GTPBP10: variants seen among roughly 807,000 people sequenced by gnomAD.
The protein encoded by GTPBP10 is GTP-binding protein 10.
A neutral mutation model predicts 44.8 loss-of-function variants in GTPBP10; 38 were observed. The ratio of observed to expected loss-of-function variants is 0.85; its 90% confidence interval spans 0.65 to 1.11. The LOEUF (loss-of-function observed/expected upper bound fraction) is 1.11, where lower values mean the gene tolerates loss of function less well. Among genes scored for constraint, GTPBP10 ranks in the 50% most tolerant of loss-of-function variants. The pLI is 0.00. For synonymous variants in GTPBP10, 152 were observed against 150.6 expected (o/e 1.01, Z -0.07); for missense variants, 462 against 453.7 (o/e 1.02, Z -0.17).
chr7:90,362,119 T>C (rs1796035247), intron 4 of GTPBP10, among the ~76,000 whole-genome samples: 1 of 152,072 alleles, frequency 6.6e-6, no homozygotes, highest in Admixed American at 6.6e-5. Flanking sequence ...GGGTTTTTTG[T>C]GTCTCTATTT....
At chr7:90,373,564 A>G (rs535409318) in intron 5 of GTPBP10, among the ~76,000 whole-genome samples, 71 of 152,338 alleles carry the variant, frequency 4.7e-4, no homozygotes, top group Middle Eastern at 6.8e-3. Context: ...GTTATAATAT[A>G]TGTAGGACTT....
chr7:90,362,039 T>G lies in GTPBP10; in HGVS notation c.464+6809T>G, dbSNP rs573712338. 1.1e-3 allele frequency among the ~76,000 whole-genome samples: 165 copies of G among 152,284 alleles called. 3 individuals are homozygous for G. In the South Asian group the frequency reaches 0.016, roughly 15 times the overall value. On this transcript the variant is annotated intron_variant, in intron 4 of 9. Coordinates refer to ENST00000222511, the MANE Select transcript of GTPBP10 (RefSeq NM_033107.4). Reference sequence around the variant, plus strand: ...TCTCTCTTTTCCTCTTTATTAGTCTTGCTAGCGGTCTATCAATTTTGTTGA... The same window carrying G: ...TCTCTCTTTTCCTCTTTATTAGTCTGGCTAGCGGTCTATCAATTTTGTTGA...
In GTPBP10 at chr7:90,389,050, G is replaced by A. The variant is rs1267631691; in HGVS notation, c.*3896G>A. On this transcript the variant is annotated 3_prime_UTR_variant, in exon 10 of 10. Transcript: ENST00000222511. ...TAAAAGATATCTTATTGCAAAAATAGGGCAACATTTTGTTTTAAAGACCAA... is the reference window on the plus strand; with the variant it reads ...TAAAAGATATCTTATTGCAAAAATAAGGCAACATTTTGTTTTAAAGACCAA... 2.6e-5 allele frequency: 4 copies of A among 152,094 alleles called. No individual in the cohort carries two copies. The highest frequency in any genetic ancestry group is 1.3e-4 in the Admixed American group (2 of 15,266). 9.4% of individuals were successfully genotyped at this position (152,094 alleles called of 1,614,324 possible).
intron 1 of GTPBP10, among the ~76,000 whole-genome samples, chr7:90,348,990 T>C (rs1332965686): frequency 6.6e-6 from 1 of 152,228 alleles, no homozygotes; most frequent in Non-Finnish European, 1.5e-5. Context: ...TGGTGGCTGT[T>C]AGCTCTTGAG....
rs1796362271 is a variant in GTPBP10, at chr7:90,377,574, T to G, written c.659T>G (p.Phe220Cys). The G allele has an allele frequency of 1.2e-6, 2 of 1,611,474 alleles. No individual in the cohort carries two copies. Among genetic ancestry groups the G allele is most frequent in the Non-Finnish European group, 1.7e-6 (2 of 1,178,578 alleles). Residue 220 changes from phenylalanine to cysteine, a missense_variant, in exon 7 of 10, where the codon TTC becomes TGC. Phe to Cys is a radical substitution (Grantham distance 205, BLOSUM62 -2). Coordinates refer to ENST00000222511, the MANE Select transcript of GTPBP10 (RefSeq NM_033107.4). ...ATGAACAAAGGAATGGGCCACAAAT[T>G]CCTCAAGCATATAGAAAGAACTAGA... ...AHMNKGMGHK[F>C]LKHIERTRQL...
At chr7:90,357,115 A>C (rs1411073780) in intron 4 of GTPBP10, among the ~76,000 whole-genome samples, 1 of 152,210 alleles carries the variant, frequency 6.6e-6, no homozygotes. Flanking sequence ...TTGTACAACT[A>C]ACAGATTTGT....
chr7:90,346,911 T>A (rs977109669), intron 1 of GTPBP10, 137 bp downstream of exon 1: 4 of 912,032 alleles, frequency 4.4e-6, no homozygotes, highest in Non-Finnish European at 7.1e-6. Context: ...CCGCCCCTCC[T>A]GTAGTGGCGC....
rs897450924 is a variant in GTPBP10 at position 90,388,134 on chromosome 7, T to C, written c.*2980T>C. 1 of 152,200 alleles carries C rather than the reference T, an allele frequency of 6.6e-6. No individual in the cohort carries two copies. Among genetic ancestry groups the C allele is most frequent in the Non-Finnish European group, 1.5e-5 (1 of 68,032 alleles). The allele number at this position is 152,200 out of a possible 1,614,324, so 9.4% of individuals were successfully genotyped here. A position where few individuals can be genotyped will look rare whatever the true frequency, so the allele number is the denominator to read the frequency against. On this transcript the variant is annotated 3_prime_UTR_variant, in exon 10 of 10. Transcript: ENST00000222511. ...TATTTTCTGGTTACTCAAAGTGTAC[T>C]CTATGTACCTTTTTTTGACCTTTGA...
At chr7:90,366,351 G>T (rs10247452) in intron 4 of GTPBP10, among the ~76,000 whole-genome samples, 32,307 of 152,076 alleles carry the variant, frequency 0.21, 3,651 homozygotes, top group African/African-American at 0.27. Context: ...CAGAAGGAAT[G>T]GTACCAGCTC....
intron 4 of GTPBP10, among the ~76,000 whole-genome samples, chr7:90,369,618 G>T (rs752950246): frequency 6.6e-6 from 1 of 152,194 alleles, no homozygotes; most frequent in Non-Finnish European, 1.5e-5. Context: ...CTTGGGACCT[G>T]CTCAGCCAGG....
At chr7:90,378,611 C>T (rs1041762802) in intron 8 of GTPBP10, among the ~76,000 whole-genome samples, 9 of 152,116 alleles carry the variant, frequency 5.9e-5, no homozygotes, top group Admixed American at 5.2e-4. Context: ...AGAGTTCTGT[C>T]CTAACCTTAT....
intron 8 of GTPBP10, among the ~76,000 whole-genome samples, chr7:90,382,515 G>A (rs776926488): frequency 8.5e-5 from 13 of 152,208 alleles, no homozygotes; most frequent in Non-Finnish European, 1.5e-4. Flanking sequence ...TCAAACTCCT[G>A]GTGGCCTTAA....
intron 2 of GTPBP10, 60 bp from the exon 3 acceptor site, chr7:90,354,398 G>GTA (rs1367861889): frequency 5.0e-6 from 3 of 600,432 alleles, no homozygotes; most frequent in Non-Finnish European, 8.0e-6. Context: ...TTGTGTGTAT[G>GTA]TGTGTGTGTG....
chr7:90,354,530 T>C lies in GTPBP10; in HGVS notation c.300T>C (p.Asp100=), dbSNP rs1284194129. The C allele has an allele frequency of 6.3e-7, 1 of 1,581,086 alleles. No individual in the cohort carries two copies. The highest frequency in any genetic ancestry group is 8.6e-7 in the Non-Finnish European group (1 of 1,160,838). ...IPVPVGISVT[D]ENGKIIGELN... ...TGCCTGTGGGTATTTCAGTAACTGA[T>C]GAAAATGGTAAAATTATAGGTGAGT... Residue 100 remains aspartate, a synonymous_variant, in exon 3 of 10, where the codon GAT becomes GAC. Coordinates refer to ENST00000222511, the MANE Select transcript of GTPBP10 (RefSeq NM_033107.4).
At chr7:90,351,585 A>AT (rs1795792049) in intron 1 of GTPBP10, among the ~76,000 whole-genome samples, 1 of 152,228 alleles carries the variant, frequency 6.6e-6, no homozygotes, top group Non-Finnish European at 1.5e-5. Flanking sequence ...AGCTCAAAAA[A>AT]TTTTTCTAAT....
At chr7:90,350,148 C>A (rs981967211) in intron 1 of GTPBP10, among the ~76,000 whole-genome samples, 2 of 152,074 alleles carry the variant, frequency 1.3e-5, no homozygotes, top group South Asian at 4.1e-4. Flanking sequence ...CAGTTCCCAC[C>A]TATGAGTGAG....
chr7:90,365,579 T>C (rs1243947515), intron 4 of GTPBP10, among the ~76,000 whole-genome samples: 1 of 151,560 alleles, frequency 6.6e-6, no homozygotes, highest in African/African-American at 2.4e-5. Context: ...GGTTTCACCG[T>C]TTTAGCCGGG....
At position 90,388,613 on chromosome 7, in the gene GTPBP10, A is replaced by G. The variant is rs1019808714; in HGVS notation, c.*3459A>G. 3 of 152,194 alleles carry G rather than the reference A, an allele frequency of 2.0e-5. No homozygotes were observed. The highest frequency in any genetic ancestry group is 2.1e-4 in the South Asian group (1 of 4,838). The allele number at this position is 152,194 out of a possible 1,614,324, so 9.4% of individuals were successfully genotyped here. On this transcript the variant is annotated 3_prime_UTR_variant, in exon 10 of 10. Coordinates refer to ENST00000222511, the MANE Select transcript of GTPBP10 (RefSeq NM_033107.4). ...AACTTTTTTAAAATGGTAAACATGTATTAGTTACATAATCAGGAAAAAAGT... is the reference window on the plus strand; with the variant it reads ...AACTTTTTTAAAATGGTAAACATGTGTTAGTTACATAATCAGGAAAAAAGT...
chr7:90,368,781 A>G (rs1796189729), intron 4 of GTPBP10, among the ~76,000 whole-genome samples: 1 of 152,178 alleles, frequency 6.6e-6, no homozygotes, highest in African/African-American at 2.4e-5. Flanking sequence ...AACCTTCTGA[A>G]GTCTACTTCT....
Sources: gnomAD v4.1 joint callset for allele counts (sites outside exome capture counted in the v4.1 genomes callset) on GRCh38, gnomAD v4.1.1 for gene constraint, MANE v1.5 for transcripts, NCBI Gene and HGNC (gene_info 2026-07-23, HGNC 2026-07-21) for gene names.